Variants in EFEMP1 observed in about 807,000 individuals in gnomAD.
The protein encoded by EFEMP1 is EGF-like fibulin extracellular matrix protein 1, also known as EGF-containing fibulin-like extracellular matrix protein 1.
A neutral mutation model predicts 65.7 loss-of-function variants in EFEMP1; 18 were observed. The ratio of observed to expected loss-of-function variants is 0.27; its 90% CI spans 0.19 to 0.41. The LOEUF is 0.41. EFEMP1 is among the 10% of genes least tolerant of loss of function. The probability of loss-of-function intolerance (pLI) is 1.00; values close to 1 mark genes in which losing one functional copy is unlikely to be tolerated. For missense variants in EFEMP1, 469 were observed against 624.8 expected, an observed-to-expected ratio of 0.75 and a Z score of 2.66; for synonymous variants, 237 against 219.7, an observed-to-expected ratio of 1.08 and a Z score of -0.70.
chr2:55,920,633 A>C (rs559168844), intron 3 of EFEMP1, among the ~76,000 whole-genome samples: 1 of 152,346 alleles, frequency 6.6e-6, no homozygotes, highest in East Asian at 1.9e-4. Flanking sequence ...AATTTGTTTT[A>C]GGTATTTACT....
In EFEMP1 at chr2:55,886,421, G is replaced by A. The variant is rs535190890; in HGVS notation, c.518-4687C>T. On this transcript the variant is annotated intron_variant, in intron 5 of 11. Transcript: ENST00000355426. The surrounding 1 kb of genome is among the most constrained non-coding windows in gnomAD (Gnocchi z 4.0). ...TAATGGTGCTATCCTGTGAACTCTT[G>A]TGGTTAAAGAAAAGATAGTGGTTAA... is the stretch of plus-strand genomic sequence containing the variant. 6.6e-6 allele frequency among the ~76,000 whole-genome samples: 1 copy of A among 152,256 alleles called. No individual in the cohort carries two copies. The highest frequency in any genetic ancestry group is 2.1e-4 in the South Asian group (1 of 4,830).
At chr2:55,897,025 T>C (rs61185054) in intron 5 of EFEMP1, among the ~76,000 whole-genome samples, 10,626 of 152,262 alleles carry the variant, frequency 0.07, 814 homozygotes, top group African/African-American at 0.18. Flanking sequence ...TCTTTCTCCT[T>C]TCCCTACTTC....
In EFEMP1 at chr2:55,873,066, C is replaced by CTCCACACACA. The variant is rs55817415; in HGVS notation, c.1000+1879_1000+1880insTGTGTGTGGA. 1.4e-5 allele frequency among the ~76,000 whole-genome samples: 2 copies of CTCCACACACA among 145,294 alleles called. No homozygotes were observed. Among genetic ancestry groups the CTCCACACACA allele is most frequent in the East Asian group, 2.1e-4 (1 of 4,870 alleles). On this transcript the variant is annotated intron_variant, in intron 9 of 11. Coordinates refer to ENST00000355426, the MANE Select transcript of EFEMP1 (RefSeq NM_001039348.3). This position sits in a 1 kb window ranked among gnomAD's most constrained non-coding sequence, Gnocchi z 4.6. ...TTCTTTTGTCTCTCTGTCTCTCTCT[C>CTCCACACACA]CACACACACACACACACACACACAC...
intron 5 of EFEMP1, 82 bp from the exon 6 acceptor site, chr2:55,881,816 A>G: frequency 1.3e-6 from 2 of 1,533,256 alleles, no homozygotes; most frequent in Non-Finnish European, 1.8e-6. Flanking sequence ...TCTTAAGCTA[A>G]ATTTTTACTT....
intron 5 of EFEMP1, among the ~76,000 whole-genome samples, chr2:55,896,583 C>G (rs923089055): frequency 6.6e-6 from 1 of 152,122 alleles, no homozygotes; most frequent in African/African-American, 2.4e-5. Flanking sequence ...TGTGTTATTT[C>G]TTGAATGAAA....
intron 5 of EFEMP1, among the ~76,000 whole-genome samples, chr2:55,903,397 A>G (rs1029303444): frequency 1.3e-5 from 2 of 152,242 alleles, no homozygotes; most frequent in African/African-American, 4.8e-5. Context: ...AAAGTAGAAG[A>G]TGAAGAATCC....
At chr2:55,890,310 T>C (rs1490173942) in intron 5 of EFEMP1, among the ~76,000 whole-genome samples, 6 of 151,976 alleles carry the variant, frequency 3.9e-5, no homozygotes, top group Non-Finnish European at 5.9e-5. Context: ...CTTAATCATA[T>C]AGGCTCAGTA....
chr2:55,887,369 A>C (rs116306879), intron 5 of EFEMP1, among the ~76,000 whole-genome samples: 1,829 of 152,248 alleles, frequency 0.012, 38 homozygotes, highest in African/African-American at 0.042. Flanking sequence ...CAGCACCTTG[A>C]TTCCTCCCTT....
intron 5 of EFEMP1, among the ~76,000 whole-genome samples, chr2:55,882,639 C>T (rs990663033): frequency 5.9e-5 from 9 of 152,124 alleles, no homozygotes; most frequent in Non-Finnish European, 2.9e-5. Context: ...TCATTCGGCT[C>T]TCCTATATCA....
chr2:55,897,570 G>C (rs1243664721), intron 5 of EFEMP1, among the ~76,000 whole-genome samples: 1 of 151,924 alleles, frequency 6.6e-6, no homozygotes, highest in Non-Finnish European at 1.5e-5. Context: ...GGTCTCCCAA[G>C]AAAAAAAGTC....
rs1217124133 is a variant in EFEMP1 at position 55,880,823 on chromosome 2, C to A, written c.640+789G>T. Among the ~76,000 whole-genome samples the A allele has an allele frequency of 3.9e-5, 6 of 152,298 alleles. No homozygotes were observed. In the South Asian group the frequency reaches 1.2e-3, roughly 32 times the overall value. ...GTTGGCTTCCTCATACTTTGATCTT[C>A]CATTCACTCAAAACACACGCATAGA... On this transcript the variant is annotated intron_variant, in intron 6 of 11. Transcript: ENST00000355426.
chr2:55,903,435 A>G (rs1411993881), intron 5 of EFEMP1, among the ~76,000 whole-genome samples: 43 of 152,212 alleles, frequency 2.8e-4, no homozygotes, highest in Admixed American at 2.8e-3. Flanking sequence ...CTTGGTAGGA[A>G]GGATACTGTC....
Position 55,921,369 on chromosome 2 carries a change from C to T in EFEMP1, c.81+991G>A, listed in dbSNP as rs1670901555. ...CTAACATTCTAGGGATAATGTGGTA[C>T]CAAAAAGTGAGATAATGTTTATTAT... On this transcript the variant is annotated intron_variant, in intron 3 of 11. Transcript: ENST00000355426. This position sits in a 1 kb window ranked among gnomAD's most constrained non-coding sequence, Gnocchi z 4.1. Among the ~76,000 whole-genome samples, 1 of 152,106 alleles carries T rather than the reference C, an allele frequency of 6.6e-6. No individual in the cohort carries two copies. Among genetic ancestry groups the T allele is most frequent in the Non-Finnish European group, 1.5e-5 (1 of 68,012 alleles).
Position 55,918,047 on chromosome 2 carries a change from A to G in EFEMP1, c.135T>C (p.Ile45=), listed in dbSNP as rs1260390606. 3 of 1,614,218 alleles carry G rather than the reference A, an allele frequency of 1.9e-6. No homozygotes were observed. In the East Asian group the frequency reaches 6.7e-5, roughly 36 times the overall value. Residue 45 remains isoleucine (I), a synonymous_variant, in exon 5 of 12, where the codon ATT becomes ATC. Coordinates refer to ENST00000355426, the MANE Select transcript of EFEMP1 (RefSeq NM_001039348.3). ...WDPVRQQCKD[I]DECDIVPDAC... is the part of the protein sequence containing the mutation. Reference sequence around the variant, plus strand: ...CGTCTGGGACAATGTCACATTCATCAATATCTGTGGTCAGTAATAAAATAA... The same window carrying G: ...CGTCTGGGACAATGTCACATTCATCGATATCTGTGGTCAGTAATAAAATAA...
At chr2:55,876,354 G>A (rs1393643197) in intron 8 of EFEMP1, among the ~76,000 whole-genome samples, 1 of 152,086 alleles carries the variant, frequency 6.6e-6, no homozygotes, top group Non-Finnish European at 1.5e-5. Context: ...CCTGGTCACT[G>A]GATAACACAC....
chr2:55,886,215 C>G lies in EFEMP1; in HGVS notation c.518-4481G>C, dbSNP rs1669415508. ...TAGGGTCATGGTATCAATTTTTTCTCTTTGTTTCTCCATCTCTGAAATAGA... is the reference window on the plus strand; with the variant it reads ...TAGGGTCATGGTATCAATTTTTTCTGTTTGTTTCTCCATCTCTGAAATAGA... On this transcript the variant is annotated intron_variant, in intron 5 of 11. Transcript: ENST00000355426. This position sits in a 1 kb window ranked among gnomAD's most constrained non-coding sequence, Gnocchi z 4.0. Among the ~76,000 whole-genome samples, 1 of 152,132 alleles carries G rather than the reference C, an allele frequency of 6.6e-6. No individual in the cohort carries two copies. Among genetic ancestry groups the G allele is most frequent in the African/African-American group, 2.4e-5 (1 of 41,438 alleles).
intron 5 of EFEMP1, among the ~76,000 whole-genome samples, chr2:55,899,712 C>T (rs558754138): frequency 3.4e-4 from 51 of 152,238 alleles, no homozygotes; most frequent in African/African-American, 1.2e-3. Flanking sequence ...TTATGGTGAC[C>T]ACCTGGCCAC....
At position 55,923,678 on chromosome 2, in the gene EFEMP1, C is replaced by A. The variant is rs1037004807; in HGVS notation, c.-49+33G>T. 1.0e-6 allele frequency: 1 copy of A among 985,644 alleles called. No individual in the cohort carries two copies. The highest frequency in any genetic ancestry group is 1.7e-5 in the African/African-American group (1 of 57,210). The allele number at this position is 985,644 out of a possible 1,614,324, so 61.1% of individuals were successfully genotyped here. On this transcript the variant is annotated intron_variant, in intron 1 of 11. Transcript: ENST00000355426. This position sits in a 1 kb window ranked among gnomAD's most constrained non-coding sequence, Gnocchi z 5.3. ...CGCGCGGCCCAGTGAGTACTGGGCT[C>A]GCTCGGGGCGACCCCCCGTTGGGGG...
Position 55,874,996 on chromosome 2 carries a change from G to A in EFEMP1, c.950C>T (p.Ser317Leu), listed in dbSNP as rs1668970363. Residue 317 changes from serine (S) to leucine (L), a missense_variant, in exon 9 of 12, where the codon TCA becomes TTA. By Grantham distance (145) the Ser-to-Leu change is moderately radical. Coordinates refer to ENST00000355426, the MANE Select transcript of EFEMP1 (RefSeq NM_001039348.3). ...YQCVNEPGKF[S>L]CMCPQGYQVV... ...TTGGTATCCCTGGGGGCACATACAT[G>A]AGAATTTCCCAGGTTCATTGACACA... The A allele has an allele frequency of 6.2e-7, 1 of 1,609,704 alleles. No individual in the cohort carries two copies. The highest frequency in any genetic ancestry group is 8.5e-7 in the Non-Finnish European group (1 of 1,177,568).
Sources: allele counts gnomAD v4.1 joint callset (sites outside exome capture counted in the v4.1 genomes callset), GRCh38; gene constraint gnomAD v4.1.1; non-coding constraint Gnocchi (gnomAD v3.1); transcripts MANE v1.5; gene names NCBI Gene and HGNC (gene_info 2026-07-23, HGNC 2026-07-21).